The following PIEZO2 variants were observed in gnomAD, a reference collection of about 807,000 sequenced individuals.
The protein encoded by PIEZO2 is piezo type mechanosensitive ion channel component 2, also known as piezo-type mechanosensitive ion channel component 2.
A neutral mutation model predicts 337.3 loss-of-function variants in PIEZO2; 172 were observed. The observed-to-expected ratio is 0.51, with a 90% CI of 0.45 to 0.58. The LOEUF (loss-of-function observed/expected upper bound fraction) is 0.58, where lower values mean the gene tolerates loss of function less well. Among genes scored for constraint, PIEZO2 ranks in the 20% least tolerant of loss-of-function variants. PIEZO2 has a pLI of 0.00. For missense variants in PIEZO2, 3,028 were observed against 3,391.3 expected (o/e 0.89, Z 2.66); for synonymous variants, 1,251 against 1,228.5 (o/e 1.02, Z -0.38).
chr18:10,974,115 C>T (rs1225252523), intron 3 of PIEZO2, among the ~76,000 whole-genome samples: 1 of 152,218 alleles, frequency 6.6e-6, no homozygotes, highest in African/African-American at 2.4e-5. Flanking sequence ...GTCCTCCCCA[C>T]AGTCGTCGGG....
At position 10,850,913 on chromosome 18, in the gene PIEZO2, C is replaced by A. The variant is rs184909565; in HGVS notation, c.917+4440G>T. ...AACAGTGTGACAAAAAATATCAATT[C>A]AATATTTCTAAAAATAAGGTTAATT... On this transcript the variant is annotated intron_variant, in intron 7 of 55. Transcript: ENST00000674853. This position sits in a 1 kb window ranked among gnomAD's most constrained non-coding sequence, Gnocchi z 4.5. Among the ~76,000 whole-genome samples, 1 of 152,036 alleles carries A rather than the reference C, an allele frequency of 6.6e-6. No individual in the cohort carries two copies. The highest frequency in any genetic ancestry group is 2.4e-5 in the African/African-American group (1 of 41,400).
intron 47 of PIEZO2, among the ~76,000 whole-genome samples, 164 bp downstream of exon 47, chr18:10,695,910 C>A (rs935318912): frequency 6.6e-6 from 1 of 152,202 alleles, no homozygotes; most frequent in Non-Finnish European, 1.5e-5. Context: ...TTTGGATTTG[C>A]GTTGACTATT....
At chr18:10,780,010 T>G (rs1167223481) in intron 18 of PIEZO2, among the ~76,000 whole-genome samples, 4 of 152,124 alleles carry the variant, frequency 2.6e-5, no homozygotes, top group African/African-American at 4.8e-5. Flanking sequence ...CAGTTATGTG[T>G]TCAAGAGGGA....
intron 13 of PIEZO2, among the ~76,000 whole-genome samples, chr18:10,793,634 A>G (rs2039484213): frequency 6.6e-6 from 1 of 152,162 alleles, no homozygotes; most frequent in East Asian, 1.9e-4. Context: ...TTGTGTGTGA[A>G]TATGTGTGTG....
chr18:11,074,792 T>C (rs2038473018), intron 1 of PIEZO2, among the ~76,000 whole-genome samples: 1 of 152,250 alleles, frequency 6.6e-6, no homozygotes, highest in Non-Finnish European at 1.5e-5. Flanking sequence ...TTGCAATAGA[T>C]ATAGAATAAT....
In PIEZO2 at chr18:11,110,172, T is replaced by C. The variant is rs1210732745; in HGVS notation, c.64+38353A>G. On this transcript the variant is annotated intron_variant, in intron 1 of 55. Coordinates refer to ENST00000674853, the MANE Select transcript of PIEZO2 (RefSeq NM_001378183.1). This position sits in a 1 kb window ranked among gnomAD's most constrained non-coding sequence, Gnocchi z 4.2. The stretch of plus-strand genomic sequence containing the variant: ...CAGCATCTTACTCTATCACCCAGGC[T>C]GGAGTAAAGTGGTGTGATCATAGCT... Among the ~76,000 whole-genome samples, 1 of 152,178 alleles carries C rather than the reference T, an allele frequency of 6.6e-6. No individual in the cohort carries two copies. The highest frequency in any genetic ancestry group is 1.5e-5 in the Non-Finnish European group (1 of 68,022).
At chr18:10,905,393 G>C (rs917191210) in intron 4 of PIEZO2, among the ~76,000 whole-genome samples, 1 of 152,060 alleles carries the variant, frequency 6.6e-6, no homozygotes, top group African/African-American at 2.4e-5. Context: ...AGACCAGCCT[G>C]ACCAACATGG....
chr18:11,073,568 T>C (rs1298121998), intron 1 of PIEZO2, among the ~76,000 whole-genome samples: 2 of 151,994 alleles, frequency 1.3e-5, no homozygotes, highest in African/African-American at 4.8e-5. Context: ...AATAGATAAC[T>C]AGTGCACAAA....
chr18:10,892,053 A>G (rs919234574), intron 4 of PIEZO2, among the ~76,000 whole-genome samples: 27 of 152,012 alleles, frequency 1.8e-4, no homozygotes, highest in African/African-American at 6.5e-4. Context: ...CAATTAAGAG[A>G]CTCCTAGAGT....
intron 16 of PIEZO2, among the ~76,000 whole-genome samples, chr18:10,786,652 T>G (rs2039235099): frequency 6.6e-6 from 1 of 152,214 alleles, no homozygotes; most frequent in African/African-American, 2.4e-5. Flanking sequence ...TAAATACTCC[T>G]TAGAATCTAA....
chr18:11,068,572 T>TA (rs2038231828), intron 1 of PIEZO2, among the ~76,000 whole-genome samples: 1 of 151,406 alleles, frequency 6.6e-6, no homozygotes, highest in Non-Finnish European at 1.5e-5. Flanking sequence ...AATAAATGCT[T>TA]ACATAAAAAA....
intron 21 of PIEZO2, among the ~76,000 whole-genome samples, chr18:10,764,947 C>A (rs1466139182): frequency 6.6e-6 from 1 of 152,190 alleles, no homozygotes; most frequent in African/African-American, 2.4e-5. Context: ...ATTAAAGATG[C>A]TGTGAAATTA....
intron 5 of PIEZO2, among the ~76,000 whole-genome samples, chr18:10,866,727 TAA>T (rs2042017987): frequency 6.6e-6 from 1 of 152,138 alleles, no homozygotes; most frequent in South Asian, 2.1e-4. Flanking sequence ...TCTGGGGGAA[TAA>T]AGTCAGTCAT....
chr18:10,871,304 A>G lies in PIEZO2; in HGVS notation c.441T>C (p.Pro147=). Residue 147 remains proline, a synonymous_variant, in exon 5 of 56, where the codon CCT becomes CCC. Coordinates refer to ENST00000674853, the MANE Select transcript of PIEZO2 (RefSeq NM_001378183.1). ...TACTCTGTGCTGCTTCGTCTGTCAC[A>G]GGTTTCTGAACAATGTTTCTACAGA... The part of the protein sequence containing the change: ...WLLCRNIVQK[P]VTDEAAQSNP... The G allele has an allele frequency of 2.0e-6, 3 of 1,537,236 alleles. No individual in the cohort carries two copies. Among genetic ancestry groups the G allele is most frequent in the Non-Finnish European group, 2.6e-6 (3 of 1,146,854 alleles).
At position 10,673,350 on chromosome 18, in the gene PIEZO2, C is replaced by T. The variant is rs2033861593; in HGVS notation, c.8162-477G>A. On this transcript the variant is annotated intron_variant, in intron 54 of 55. Coordinates refer to ENST00000674853, the MANE Select transcript of PIEZO2 (RefSeq NM_001378183.1). The surrounding 1 kb of genome is among the most constrained non-coding windows in gnomAD (Gnocchi z 4.8). ...TCTCCATGGGAAAAGACTGTATACACAAGCACAATTTATGGGCACATGACA... is the reference window on the plus strand; with the variant it reads ...TCTCCATGGGAAAAGACTGTATACATAAGCACAATTTATGGGCACATGACA... Among the ~76,000 whole-genome samples, 1 of 152,182 alleles carries T rather than the reference C, an allele frequency of 6.6e-6. No individual in the cohort carries two copies. The highest frequency in any genetic ancestry group is 1.5e-5 in the Non-Finnish European group (1 of 68,032).
rs2039729398 is a variant in PIEZO2 at position 11,111,417 on chromosome 18, C to A, written c.64+37108G>T. ...TCATAAAAACCTAGATTTCCAATTT[C>A]TTTTTAAAAAATTATACCATCTGGC... On this transcript the variant is annotated intron_variant, in intron 1 of 55. Coordinates refer to ENST00000674853, the MANE Select transcript of PIEZO2 (RefSeq NM_001378183.1). The surrounding 1 kb of genome is among the most constrained non-coding windows in gnomAD (Gnocchi z 6.2). 6.6e-6 allele frequency among the ~76,000 whole-genome samples: 1 copy of A among 152,190 alleles called. No homozygotes were observed. Among genetic ancestry groups the A allele is most frequent in the Admixed American group, 6.5e-5 (1 of 15,274 alleles).
intron 3 of PIEZO2, among the ~76,000 whole-genome samples, chr18:10,955,838 C>T (rs2033495824): frequency 6.6e-6 from 1 of 152,122 alleles, no homozygotes; most frequent in South Asian, 2.1e-4. Flanking sequence ...ATAGAACACT[C>T]CTTGAGAGCA....
At chr18:10,693,471 G>A (rs1276374411) in intron 47 of PIEZO2, among the ~76,000 whole-genome samples, 1 of 151,906 alleles carries the variant, frequency 6.6e-6, no homozygotes, top group African/African-American at 2.4e-5. Flanking sequence ...CAGGGTTCAA[G>A]CGATTCTCCT....
At chr18:10,920,350 G>A (rs538301059) in intron 3 of PIEZO2, among the ~76,000 whole-genome samples, 4 of 152,170 alleles carry the variant, frequency 2.6e-5, no homozygotes, top group South Asian at 4.1e-4. Context: ...TAGGAGATAC[G>A]GCACTCGTCA....
Sources: gnomAD v4.1 joint callset for allele counts (sites outside exome capture counted in the v4.1 genomes callset) on GRCh38, gnomAD v4.1.1 for gene constraint, Gnocchi (gnomAD v3.1) non-coding constraint, MANE v1.5 for transcripts, NCBI Gene and HGNC (gene_info 2026-07-23, HGNC 2026-07-21) for gene names.